The following HIPK1 variants were observed in gnomAD, a reference collection of about 807,000 sequenced individuals.
HIPK1 encodes the protein homeodomain-interacting protein kinase 1.
Under a neutral mutation model 117.1 loss-of-function variants are expected in HIPK1, and 28 were observed. The ratio of observed to expected loss-of-function variants is 0.24; its 90% CI spans 0.18 to 0.33. The LOEUF is 0.33. Among genes scored for constraint, HIPK1 ranks in the 10% least tolerant of loss-of-function variants. The probability of loss-of-function intolerance (pLI) is 1.00; values close to 1 mark genes in which losing one functional copy is unlikely to be tolerated. For synonymous variants in HIPK1, 605 were observed against 562.5 expected, an observed-to-expected ratio of 1.08 and a Z score of -1.07; for missense variants, 1,122 against 1,475.1, an observed-to-expected ratio of 0.76 and a Z score of 3.92.
chr1:113,934,177 A>G (rs771076244), intron 1 of HIPK1, among the ~76,000 whole-genome samples: 1 of 152,234 alleles, frequency 6.6e-6, no homozygotes, highest in Non-Finnish European at 1.5e-5. Context: ...CAGCTGTTAA[A>G]TTGTATGAAA....
Position 113,975,697 on chromosome 1 carries a change from A to G in HIPK1, c.*2185A>G, listed in dbSNP as rs878956628. ...TTTGTGGTGCCGCTGGTGACAAGGA[A>G]CTCACAGAAAGGTTTCTTAGCTGGT... On this transcript the variant is annotated 3_prime_UTR_variant, in exon 16 of 16. Transcript: ENST00000426820. 6.6e-6 allele frequency: 1 copy of G among 152,662 alleles called. No homozygotes were observed. Among genetic ancestry groups the G allele is most frequent in the Admixed American group, 6.6e-5 (1 of 15,262 alleles). 9.5% of individuals were successfully genotyped at this position (152,662 alleles called of 1,614,324 possible).
chr1:113,949,889 C>G (rs1329619627), intron 2 of HIPK1, among the ~76,000 whole-genome samples: 2 of 152,108 alleles, frequency 1.3e-5, no homozygotes, highest in African/African-American at 4.8e-5. Context: ...CATGAGCCAC[C>G]GCACCCGGCC....
rs963735687 is a variant in HIPK1 at position 113,967,963 on chromosome 1, C to T, written c.2564+15C>T. ...GTCTCTTCCAAGTGAGTCTGTGTTACAGCTGATAGTTAAAACTGTGCCAGT... is the reference window on the plus strand; with the variant it reads ...GTCTCTTCCAAGTGAGTCTGTGTTATAGCTGATAGTTAAAACTGTGCCAGT... On this transcript the variant is annotated intron_variant, in intron 12 of 15. Coordinates refer to ENST00000426820, the MANE Select transcript of HIPK1 (RefSeq NM_198268.3). 3 of 1,598,820 alleles carry T rather than the reference C, an allele frequency of 1.9e-6. No homozygotes were observed. In the South Asian group the frequency reaches 3.4e-5, roughly 18 times the overall value.
intron 1 of HIPK1, 35 bp from the exon 2 acceptor site, chr1:113,940,347 C>G: frequency 2.6e-6 from 4 of 1,511,166 alleles, no homozygotes; most frequent in South Asian, 2.6e-5. Flanking sequence ...TATCTTTTAT[C>G]CTTGTGGTCT....
chr1:113,957,040 G>T, intron 6 of HIPK1, 84 bp from the exon 7 acceptor site: 3 of 1,167,342 alleles, frequency 2.6e-6, no homozygotes, highest in Middle Eastern at 2.0e-4. Flanking sequence ...GGGAAAAAAA[G>T]CTTTGATCCA....
At chr1:113,952,270 A>G (rs1201697224) in intron 2 of HIPK1, among the ~76,000 whole-genome samples, 1 of 146,534 alleles carries the variant, frequency 6.8e-6, no homozygotes, top group African/African-American at 2.5e-5. Flanking sequence ...TTTTTTTTTT[A>G]TGATTGAAAT....
chr1:113,948,540 G>A (rs1213695731), intron 2 of HIPK1, among the ~76,000 whole-genome samples: 1 of 151,306 alleles, frequency 6.6e-6, no homozygotes, highest in African/African-American at 2.4e-5. Context: ...GGTGTGAACC[G>A]CCGTTTCTGG....
intron 8 of HIPK1, 57 bp from the exon 9 acceptor site, chr1:113,962,260 T>G: frequency 6.4e-7 from 1 of 1,567,912 alleles, no homozygotes; most frequent in East Asian, 2.3e-5. Context: ...AAAATAATCT[T>G]AAAACAGTAC....
At chr1:113,967,715 A>G in intron 11 of HIPK1, 51 bp from the exon 12 acceptor site, 3 of 1,336,586 alleles carry the variant, frequency 2.2e-6, no homozygotes, top group Non-Finnish European at 3.0e-6. Context: ...TTTGGTCCTG[A>G]TTCTTCAGTG....
At position 113,971,849 on chromosome 1, in the gene HIPK1, A is replaced by G; in HGVS notation, c.3039A>G (p.Pro1013=). 6.3e-7 allele frequency: 1 copy of G among 1,599,152 alleles called. No homozygotes were observed. The highest frequency in any genetic ancestry group is 8.5e-7 in the Non-Finnish European group (1 of 1,175,334). The part of the protein sequence containing the change: ...ASGLLSNKTK[P]VASVSGQSSG... ...GTCTCCTGAGCAATAAGACTAAGCC[A>G]GTCGCTTCAGTGAGTGGGCAGTCAT... The change falls in exon 15 of 16, where the codon CCA becomes CCG. Residue 1013 remains proline (P), a synonymous_variant. Coordinates refer to ENST00000426820, the MANE Select transcript of HIPK1 (RefSeq NM_198268.3).
Position 113,973,275 on chromosome 1 carries a change from T to G in HIPK1, c.3396T>G (p.Leu1132=). ...GCTCAACCAGCTCCATTGCTCATCT[T>G]TTCTCCCCACAGGGTTCCTCAAGGC... ...ALGSTSSIAH[L]FSPQGSSRHA... The change falls in exon 16 of 16, where the codon CTT becomes CTG. Residue 1132 remains leucine (L), a synonymous_variant. Coordinates refer to ENST00000426820, the MANE Select transcript of HIPK1 (RefSeq NM_198268.3). The G allele has an allele frequency of 6.2e-7, 1 of 1,614,054 alleles. No homozygotes were observed. The highest frequency in any genetic ancestry group is 8.5e-7 in the Non-Finnish European group (1 of 1,180,008).
At chr1:113,957,499 C>T (rs1258469907) in intron 7 of HIPK1, among the ~76,000 whole-genome samples, 2 of 152,180 alleles carry the variant, frequency 1.3e-5, no homozygotes, top group Non-Finnish European at 2.9e-5. Context: ...AATCCATGCC[C>T]TCATATGTTC....
rs1478468413 is a variant in HIPK1, at chr1:113,973,175, C to T, written c.3296C>T (p.Ala1099Val). The T allele has an allele frequency of 6.2e-7, 1 of 1,610,074 alleles. No individual in the cohort carries two copies. The highest frequency in any genetic ancestry group is 2.2e-5 in the East Asian group (1 of 44,880). ...CACTCGACAGGGCACCCACACCTTG[C>T]CCCGGCCCCTGCTCACCTGCCAAGC... ...PLHSTGHPHL[A>V]PAPAHLPSQA... Residue 1099 changes from alanine (A) to valine (V), a missense_variant, in exon 16 of 16, where the codon GCC becomes GTC. By Grantham distance (64) the Ala-to-Val change is moderately conservative. Transcript: ENST00000426820.
intron 2 of HIPK1, among the ~76,000 whole-genome samples, chr1:113,947,798 C>T (rs1390389610): frequency 6.6e-6 from 1 of 152,210 alleles, no homozygotes; most frequent in African/African-American, 2.4e-5. Context: ...AAAGAGGAGA[C>T]TTGCCATGTT....
rs748655889 is a variant in HIPK1 at position 113,940,848 on chromosome 1, T to C, written c.465T>C (p.Ala155=). ...TGCAAAACAGGACTGTGGTGGGTGC[T>C]GCTGCCACAACCACCACTGTGACCA... The part of the protein sequence containing the change: ...LMLQNRTVVG[A]AATTTTVTTK... The change falls in exon 2 of 16, where the codon GCT becomes GCC. Residue 155 remains alanine (A), a synonymous_variant. Coordinates refer to ENST00000426820, the MANE Select transcript of HIPK1 (RefSeq NM_198268.3). 1.2e-5 allele frequency: 20 copies of C among 1,614,004 alleles called. No individual in the cohort carries two copies. Among genetic ancestry groups the C allele is most frequent in the Non-Finnish European group, 1.7e-5 (20 of 1,180,044 alleles).
intron 6 of HIPK1, 72 bp from the exon 7 acceptor site, chr1:113,957,052 G>GT: frequency 7.9e-7 from 1 of 1,272,406 alleles, no homozygotes; most frequent in East Asian, 2.3e-5. Context: ...TTTGATCCAT[G>GT]TTCATCTTGA....
chr1:113,963,928 A>G (rs541770899), intron 10 of HIPK1, among the ~76,000 whole-genome samples: 61 of 152,332 alleles, frequency 4.0e-4, no homozygotes, highest in African/African-American at 1.4e-3. Flanking sequence ...TGGCTCAGCT[A>G]CAGGTACCCG....
chr1:113,943,535 G>A (rs1670788422), intron 2 of HIPK1, among the ~76,000 whole-genome samples: 2 of 152,060 alleles, frequency 1.3e-5, no homozygotes, highest in African/African-American at 4.8e-5. Flanking sequence ...TCATCTGTTG[G>A]TAGATATTTG....
chr1:113,962,409 C>T lies in HIPK1; in HGVS notation c.2074C>T (p.Leu692=), dbSNP rs754078128. The T allele has an allele frequency of 1.2e-6, 2 of 1,613,982 alleles. No individual in the cohort carries two copies. The highest frequency in any genetic ancestry group is 2.2e-5 in the East Asian group (1 of 44,862). ...ACCCCAGGCACCAGCTGCTCAGCCACTACAGATTCAGTCAGGAGTTCTCAC... is the reference window on the plus strand; with the variant it reads ...ACCCCAGGCACCAGCTGCTCAGCCATTACAGATTCAGTCAGGAGTTCTCAC... The part of the protein sequence containing the change: ...IVPQAPAAQP[L]QIQSGVLTQG... Residue 692 remains leucine, a synonymous_variant, in exon 9 of 16, where the codon CTA becomes TTA. Transcript: ENST00000426820.
Sources: gnomAD v4.1 joint callset for allele counts (sites outside exome capture counted in the v4.1 genomes callset) on GRCh38, gnomAD v4.1.1 for gene constraint, MANE v1.5 for transcripts, NCBI Gene and HGNC (gene_info 2026-07-23, HGNC 2026-07-21) for gene names.